ZSWIM6: variants seen among roughly 807,000 people sequenced by gnomAD.
The protein encoded by ZSWIM6 is zinc finger SWIM-type containing 6, also known as zinc finger SWIM domain-containing protein 6.
A neutral mutation model predicts 113.2 loss-of-function variants in ZSWIM6; 9 were observed. The observed-to-expected ratio is 0.08, with a 90% CI of 0.05 to 0.14. The LOEUF (loss-of-function observed/expected upper bound fraction) is 0.14, where lower values mean the gene tolerates loss of function less well. Among genes scored for constraint, ZSWIM6 ranks in the 10% least tolerant of loss-of-function variants. ZSWIM6 has a pLI of 1.00. For synonymous variants in ZSWIM6, 611 were observed against 606.5 expected (o/e 1.01, Z -0.11); for missense variants, 1,162 against 1,552.2 (o/e 0.75, Z 4.22).
rs1374402091 is a variant in ZSWIM6, at chr5:61,472,998, G to A, written c.994G>A (p.Glu332Lys). The A allele has an allele frequency of 6.5e-7, 1 of 1,537,480 alleles. No individual in the cohort carries two copies. Among genetic ancestry groups the A allele is most frequent in the African/African-American group, 1.4e-5 (1 of 72,678 alleles). ...VLPTAQKLAD[E>K]ILSQNSEINQ... ...GCCAACTGCTCAAAAATTAGCAGAT[G>A]AAATTCTTTCCCAAAATTCAGAAAT... Residue 332 changes from glutamate (E) to lysine (K), a missense_variant, in exon 2 of 14, where the codon GAA (glutamate) becomes AAA (lysine). Physicochemically the swap from Glu to Lys is moderately conservative, Grantham distance 56. Coordinates refer to ENST00000252744, the MANE Select transcript of ZSWIM6 (RefSeq NM_020928.2). This position sits in a 1 kb window ranked among gnomAD's most constrained non-coding sequence, Gnocchi z 4.1.
Position 61,357,475 on chromosome 5 carries a change from G to A in ZSWIM6, c.676+24527G>A, listed in dbSNP as rs916486615. ...TGCTGGAAACACTACCTAAAGAAGA[G>A]ATGGAAGGAGTGGGAGAAATGTTGT... On this transcript the variant is annotated intron_variant, in intron 1 of 13. Coordinates refer to ENST00000252744, the MANE Select transcript of ZSWIM6 (RefSeq NM_020928.2). Among the ~76,000 whole-genome samples, 7 of 151,952 alleles carry A rather than the reference G, an allele frequency of 4.6e-5. 1 individual carries two copies. Among genetic ancestry groups the A allele is most frequent in the Admixed American group, 6.6e-5 (1 of 15,210 alleles).
chr5:61,357,453 T>G (rs1292782918), intron 1 of ZSWIM6, among the ~76,000 whole-genome samples: 1 of 151,956 alleles, frequency 6.6e-6, no homozygotes, highest in Non-Finnish European at 1.5e-5. Context: ...CAGCCATTGC[T>G]GGAAACACTA....
chr5:61,490,674 A>G, intron 2 of ZSWIM6, 112 bp from the exon 3 acceptor site: 4 of 1,056,660 alleles, frequency 3.8e-6, no homozygotes, highest in African/African-American at 1.7e-5. Flanking sequence ...ATTTGTATGT[A>G]TAATTGAAAT....
chr5:61,461,892 A>G (rs1176600452), intron 1 of ZSWIM6, among the ~76,000 whole-genome samples: 1 of 152,180 alleles, frequency 6.6e-6, no homozygotes, highest in Non-Finnish European at 1.5e-5. Flanking sequence ...CTGCCTTTTG[A>G]ACAGATGACC....
rs189385649 is a variant in ZSWIM6 at position 61,381,082 on chromosome 5, C to T, written c.676+48134C>T. Among the ~76,000 whole-genome samples the T allele has an allele frequency of 9.4e-4, 143 of 152,072 alleles. 2 individuals are homozygous for T. The East Asian group carries it at 0.027, about 28-fold the overall frequency. On this transcript the variant is annotated intron_variant, in intron 1 of 13. Transcript: ENST00000252744. ...TGGCCAACACGTCGAAACCCTGTCT[C>T]CACTAAAAATACAAAAATAATTTAG...
chr5:61,500,464 G>T (rs6878927), intron 4 of ZSWIM6, among the ~76,000 whole-genome samples: 57,182 of 151,816 alleles, frequency 0.38, 10,914 homozygotes, highest in South Asian at 0.43. Flanking sequence ...TCTCTTCCAG[G>T]TAGTCTCTCT....
chr5:61,407,120 T>C (rs760673806), intron 1 of ZSWIM6, among the ~76,000 whole-genome samples: 10 of 112,434 alleles, frequency 8.9e-5, no homozygotes, highest in Non-Finnish European at 1.7e-4. Context: ...ATGGAAAACA[T>C]ATCTTACTTT....
intron 2 of ZSWIM6, among the ~76,000 whole-genome samples, chr5:61,483,060 T>A (rs1015243990): frequency 6.6e-6 from 1 of 152,118 alleles, no homozygotes; most frequent in Non-Finnish European, 1.5e-5. Context: ...TACCAGAAAT[T>A]GAGTAATTTA....
At chr5:61,524,606 A>G (rs759763407) in intron 5 of ZSWIM6, among the ~76,000 whole-genome samples, 8 of 152,122 alleles carry the variant, frequency 5.3e-5, no homozygotes. Context: ...CAGCAGAGTA[A>G]AGGGGTTGGC....
chr5:61,491,621 G>A (rs1748178815), intron 3 of ZSWIM6, among the ~76,000 whole-genome samples: 1 of 151,956 alleles, frequency 6.6e-6, no homozygotes, highest in Admixed American at 6.6e-5. Context: ...TGTTTATACA[G>A]AAGTTTCAGT....
At chr5:61,431,649 G>A (rs1320639915) in intron 1 of ZSWIM6, among the ~76,000 whole-genome samples, 1 of 107,972 alleles carries the variant, frequency 9.3e-6, no homozygotes, top group Non-Finnish European at 1.9e-5. Context: ...GGAGGCTGAG[G>A]CAGGAGAATG....
intron 4 of ZSWIM6, among the ~76,000 whole-genome samples, chr5:61,502,978 G>A (rs1220880562): frequency 6.6e-6 from 1 of 152,120 alleles, no homozygotes; most frequent in Non-Finnish European, 1.5e-5. Context: ...AAAAAGGTTG[G>A]GGACTGCTGT....
Position 61,530,205 on chromosome 5 carries a change from C to T in ZSWIM6, c.1984+7C>T. 6.5e-7 allele frequency: 1 copy of T among 1,545,974 alleles called. No individual in the cohort carries two copies. The highest frequency in any genetic ancestry group is 1.2e-5 in the South Asian group (1 of 83,540). ...GGGTTCTCAGATTTTACAGGTAAAA[C>T]CATTGACATTTGTCTCATGTGCTTT... On this transcript the variant is annotated splice_region_variant and intron_variant, in intron 8 of 13. Coordinates refer to ENST00000252744, the MANE Select transcript of ZSWIM6 (RefSeq NM_020928.2).
chr5:61,441,563 G>C (rs1180187536), intron 1 of ZSWIM6, among the ~76,000 whole-genome samples: 2 of 152,092 alleles, frequency 1.3e-5, no homozygotes, highest in African/African-American at 2.4e-5. Flanking sequence ...AAATTATCTA[G>C]TCTGTCTCCT....
chr5:61,389,389 A>G (rs1049352624), intron 1 of ZSWIM6, among the ~76,000 whole-genome samples: 3 of 151,680 alleles, frequency 2.0e-5, no homozygotes, highest in African/African-American at 4.8e-5. Flanking sequence ...CCCTGTCTCT[A>G]TTAAAAATAC....
intron 1 of ZSWIM6, among the ~76,000 whole-genome samples, chr5:61,385,569 A>G (rs1745577575): frequency 6.6e-6 from 1 of 152,184 alleles, no homozygotes; most frequent in Non-Finnish European, 1.5e-5. Flanking sequence ...ATTAATTGAG[A>G]TAATTTGTTT....
At chr5:61,371,512 C>T (rs1423820349) in intron 1 of ZSWIM6, among the ~76,000 whole-genome samples, 5 of 152,118 alleles carry the variant, frequency 3.3e-5, no homozygotes, top group East Asian at 1.9e-4. Context: ...TAGTGCATGG[C>T]GTGGTGATTT....
At chr5:61,333,097 A>G in intron 1 of ZSWIM6, 149 bp downstream of exon 1, 1 of 906,360 alleles carries the variant, frequency 1.1e-6, no homozygotes, top group Non-Finnish European at 1.4e-6. Context: ...GGTCCTCCTG[A>G]GCGGAGCGCC....
At chr5:61,526,436 T>G (rs776674553) in intron 7 of ZSWIM6, 40 bp downstream of exon 7, 1 of 1,549,730 alleles carries the variant, frequency 6.5e-7, no homozygotes, top group South Asian at 1.2e-5. Context: ...AATGGGATTC[T>G]TAGTGATGAC....
Sources: gnomAD v4.1 joint callset for allele counts (sites outside exome capture counted in the v4.1 genomes callset) on GRCh38, gnomAD v4.1.1 for gene constraint, Gnocchi (gnomAD v3.1) non-coding constraint, MANE v1.5 for transcripts, NCBI Gene and HGNC (gene_info 2026-07-23, HGNC 2026-07-21) for gene names.